FMNL2: variants seen among roughly 807,000 people sequenced by gnomAD.
The protein encoded by FMNL2 is formin like 2, also known as formin-like protein 2.
In FMNL2, 51 loss-of-function variants were observed where a neutral mutation model predicts 130.2. The ratio of observed to expected loss-of-function variants is 0.39; its 90% CI spans 0.31 to 0.49. The LOEUF is 0.49. FMNL2 is among the 20% of genes least tolerant of loss of function. FMNL2 has a pLI of 0.85. For missense variants in FMNL2, 977 were observed against 1,316.2 expected (o/e 0.74, Z 3.99); for synonymous variants, 465 against 467.1 (o/e 1.00, Z 0.06).
intron 1 of FMNL2, among the ~76,000 whole-genome samples, chr2:152,515,165 C>T (rs1376498940): frequency 2.0e-5 from 3 of 152,160 alleles, no homozygotes; most frequent in East Asian, 1.9e-4. Context: ...CACATCCAGG[C>T]TCAATGCATA....
At chr2:152,425,619 A>G (rs912993526) in intron 1 of FMNL2, among the ~76,000 whole-genome samples, 3 of 152,236 alleles carry the variant, frequency 2.0e-5, no homozygotes, top group Admixed American at 1.3e-4. Context: ...CAAAACAGCC[A>G]TATATCTTAA....
intron 15 of FMNL2, 143 bp downstream of exon 15, chr2:152,619,861 C>G: frequency 6.9e-7 from 1 of 1,450,104 alleles, no homozygotes; most frequent in Non-Finnish European, 9.1e-7. Context: ...CTGATGTAGC[C>G]GATAGAGGGA....
intron 2 of FMNL2, among the ~76,000 whole-genome samples, chr2:152,528,296 C>A (rs1229385014): frequency 6.6e-6 from 1 of 152,194 alleles, no homozygotes; most frequent in Non-Finnish European, 1.5e-5. Context: ...CGTCCTACGG[C>A]TGCCATAACA....
intron 1 of FMNL2, among the ~76,000 whole-genome samples, chr2:152,470,885 T>C (rs552191142): frequency 1.3e-5 from 2 of 152,346 alleles, no homozygotes; most frequent in African/African-American, 2.4e-5. Context: ...TGGTTCTCAT[T>C]TGAAAGTGGG....
chr2:152,417,444 G>A (rs1686675168), intron 1 of FMNL2, among the ~76,000 whole-genome samples: 1 of 152,210 alleles, frequency 6.6e-6, no homozygotes, highest in Admixed American at 6.5e-5. Context: ...TAACAGCCTT[G>A]TTGGTTGTTG....
chr2:152,647,933 G>A lies in FMNL2; in HGVS notation c.*28G>A. ...CTGAGACTGGCCTGCATGAATACAG[G>A]GTGTGCGTGAATGAAACTGCCCACA... On this transcript the variant is annotated 3_prime_UTR_variant, in exon 26 of 26. Coordinates refer to ENST00000288670, the MANE Select transcript of FMNL2 (RefSeq NM_052905.4). 1 of 1,566,978 alleles carries A rather than the reference G, an allele frequency of 6.4e-7. No individual in the cohort carries two copies.
chr2:152,448,781 A>G (rs1688486992), intron 1 of FMNL2, among the ~76,000 whole-genome samples: 1 of 152,172 alleles, frequency 6.6e-6, no homozygotes, highest in African/African-American at 2.4e-5. Context: ...TTTTTTGCAA[A>G]AAGAAAATCC....
chr2:152,466,253 G>A (rs1053225145), intron 1 of FMNL2, among the ~76,000 whole-genome samples: 6 of 152,186 alleles, frequency 3.9e-5, no homozygotes, highest in East Asian at 1.9e-4. Flanking sequence ...CCCGCTGCGG[G>A]GGAGGACATG....
chr2:152,602,280 C>T (rs376789365), intron 9 of FMNL2, among the ~76,000 whole-genome samples: 4 of 152,200 alleles, frequency 2.6e-5, no homozygotes, highest in African/African-American at 4.8e-5. Context: ...TAACTGGGAT[C>T]GTGAATTTAT....
chr2:152,568,223 T>TTTTTTTTTGGTTTTGTTTTTG (rs1553478447), intron 6 of FMNL2, among the ~76,000 whole-genome samples: 4 of 132,276 alleles, frequency 3.0e-5, no homozygotes, highest in African/African-American at 1.2e-4. Flanking sequence ...GGTGGGTTTT[T>TTTTTTTTTGGTTTTGTTTTTG]TTTTTTTTTT....
chr2:152,375,877 CTA>C (rs61564333), intron 1 of FMNL2, among the ~76,000 whole-genome samples: 116 of 112,474 alleles, frequency 1.0e-3, no homozygotes, highest in African/African-American at 1.8e-3. Flanking sequence ...CTCTCTCTCT[CTA>C]TATATATATA....
chr2:152,453,792 A>G (rs908475296), intron 1 of FMNL2, among the ~76,000 whole-genome samples: 7 of 152,204 alleles, frequency 4.6e-5, no homozygotes, highest in Non-Finnish European at 8.8e-5. Context: ...GATTGTGTAT[A>G]ACAGAAAGCC....
intron 1 of FMNL2, among the ~76,000 whole-genome samples, chr2:152,357,994 C>T (rs1390930980): frequency 6.6e-6 from 1 of 152,122 alleles, no homozygotes; most frequent in Non-Finnish European, 1.5e-5. Flanking sequence ...AGAGGCAGAT[C>T]CACCCTCAAT....
Position 152,515,732 on chromosome 2 carries a change from A to AAAGATAAT in FMNL2, c.118-6208_118-6201dup, listed in dbSNP as rs1692731650. ...CCGATTTCCTTCTCTGTTAAATAGA[A>AAAGATAAT]AAGATAATAACTACTTGTCAGGATT... is the stretch of plus-strand genomic sequence containing the variant. On this transcript the variant is annotated intron_variant, in intron 1 of 25. Coordinates refer to ENST00000288670, the MANE Select transcript of FMNL2 (RefSeq NM_052905.4). Among the ~76,000 whole-genome samples the AAAGATAAT allele has an allele frequency of 2.6e-5, 4 of 152,208 alleles. No homozygotes were observed. In the South Asian group the frequency reaches 8.3e-4, roughly 32 times the overall value.
At chr2:152,579,436 G>A (rs1477301690) in intron 8 of FMNL2, among the ~76,000 whole-genome samples, 1 of 152,214 alleles carries the variant, frequency 6.6e-6, no homozygotes, top group Admixed American at 6.5e-5. Flanking sequence ...AGTGGCTCAT[G>A]CCTGTAATCT....
At chr2:152,579,834 G>T (rs1315908751) in intron 8 of FMNL2, among the ~76,000 whole-genome samples, 1 of 152,212 alleles carries the variant, frequency 6.6e-6, no homozygotes. Flanking sequence ...TTCATCAATT[G>T]TAGTTATTTT....
chr2:152,391,908 G>T (rs1249962600), intron 1 of FMNL2, among the ~76,000 whole-genome samples: 138 of 111,052 alleles, frequency 1.2e-3, no homozygotes, highest in Admixed American at 1.7e-3. Flanking sequence ...GCTAGAAGTT[G>T]TTTTTTTTTT....
intron 1 of FMNL2, among the ~76,000 whole-genome samples, chr2:152,453,404 G>A (rs1688764762): frequency 6.6e-6 from 1 of 152,040 alleles, no homozygotes; most frequent in Admixed American, 6.5e-5. Flanking sequence ...GACTTATTGG[G>A]GATTATTAAC....
At chr2:152,631,392 CAAAAAAA>C (rs33966314) in intron 20 of FMNL2, among the ~76,000 whole-genome samples, 1 of 77,248 alleles carries the variant, frequency 1.3e-5, no homozygotes, top group African/African-American at 5.4e-5. Context: ...GACTCCATCT[CAAAAAAA>C]AAAAAAAAAA....
Sources: gnomAD v4.1 joint callset for allele counts (sites outside exome capture counted in the v4.1 genomes callset) on GRCh38, gnomAD v4.1.1 for gene constraint, MANE v1.5 for transcripts, NCBI Gene and HGNC (gene_info 2026-07-23, HGNC 2026-07-21) for gene names.